The following SNX12 variants were observed in gnomAD, a reference collection of about 807,000 sequenced individuals.
SNX12 encodes the protein sorting nexin-12.
For synonymous variants in SNX12, 47 were observed against 56.0 expected, an observed-to-expected ratio of 0.84 and a Z score of 0.71; for missense variants, 62 against 141.3, an observed-to-expected ratio of 0.44 and a Z score of 2.84.
upstream of SNX12, among the ~76,000 whole-genome samples, chrX:71,068,991 C>T (rs189257229): frequency 2.3e-3 from 260 of 111,745 alleles, 3 homozygotes; most frequent in African/African-American, 8.1e-3. Flanking sequence ...TTGCCACACT[C>T]CAGGTGTACT....
upstream of SNX12, chrX:71,068,335 A>G (rs1224945870): frequency 8.6e-7 from 1 of 1,160,543 alleles, no homozygotes; most frequent in Non-Finnish European, 1.2e-6. Context: ...GGGACCGGGG[A>G]AAGGGGGTGG....
At chrX:71,072,057 C>T (rs2092175570), upstream of SNX12, among the ~76,000 whole-genome samples, 1 of 110,362 alleles carries the variant, frequency 9.1e-6, no homozygotes, top group African/African-American at 3.3e-5. Context: ...CAGGAGTTTG[C>T]GACCAGCCTG....
chrX:71,070,502 A>G (rs1244940918), upstream of SNX12, among the ~76,000 whole-genome samples: 1 of 111,980 alleles, frequency 8.9e-6, no homozygotes, highest in Non-Finnish European at 1.9e-5. Context: ...TATAACCATG[A>G]GCAAATTATA....
chrX:71,061,819 G>A (rs377374802), intron 3 of SNX12, 24 bp downstream of exon 3: 386 of 1,195,235 alleles, frequency 3.2e-4, no homozygotes, highest in Non-Finnish European at 4.1e-4. Flanking sequence ...AGTAGCAAGT[G>A]GAGCCCCCAG....
chrX:71,063,769 G>T (rs2092141271), intron 1 of SNX12, among the ~76,000 whole-genome samples: 1 of 109,786 alleles, frequency 9.1e-6, no homozygotes, highest in Non-Finnish European at 1.9e-5. Flanking sequence ...AAAAAGCCAG[G>T]TGTAGTGGCA....
chrX:71,071,544 T>TTATATATAAATATAAATATTTATATATTA (rs2092171990), upstream of SNX12, among the ~76,000 whole-genome samples: 1 of 36,721 alleles, frequency 2.7e-5, no homozygotes, highest in African/African-American at 2.1e-4. Context: ...TTTATATATA[T>TTATATATAAATATAAATATTTATATATTA]TATATATAAA....
At chrX:71,068,464 G>A (rs2092163622), upstream of SNX12, 1 of 363,599 alleles carries the variant, frequency 2.8e-6, no homozygotes, top group Non-Finnish European at 4.5e-6. Flanking sequence ...CGCCGCACGG[G>A]CCTGGGCCCC....
chrX:71,063,936 AAGTAGTAAAATCAAGGTATAG>A (rs1295465086), intron 1 of SNX12, among the ~76,000 whole-genome samples: 1 of 111,382 alleles, frequency 9.0e-6, no homozygotes, highest in Non-Finnish European at 1.9e-5. Context: ...GAAAGATATT[AAGTAGTAAAATCAAGGTATAG>A]AACAGTATAT....
chrX:71,069,944 A>G (rs75187518), upstream of SNX12, among the ~76,000 whole-genome samples: 22,702 of 87,810 alleles, frequency 0.26, 1,815 homozygotes, highest in African/African-American at 0.31. Flanking sequence ...CCATCAAAAA[A>G]AGAAAGAAAG....
At chrX:71,072,906 TACACACACAC>T (rs59544159), upstream of SNX12, among the ~76,000 whole-genome samples, 2 of 101,439 alleles carry the variant, frequency 2.0e-5, no homozygotes, top group African/African-American at 3.6e-5. Flanking sequence ...CTGGCTTCCA[TACACACACAC>T]ACACACACAC....
upstream of SNX12, among the ~76,000 whole-genome samples, chrX:71,072,904 C>CAT (rs1454705123): frequency 1.2e-5 from 1 of 86,479 alleles, no homozygotes; most frequent in African/African-American, 4.3e-5. Flanking sequence ...AGCTGGCTTC[C>CAT]ATACACACAC....
At chrX:71,064,076 G>A (rs1288509056) in intron 1 of SNX12, among the ~76,000 whole-genome samples, 4 of 111,508 alleles carry the variant, frequency 3.6e-5, no homozygotes, top group African/African-American at 3.3e-5. Flanking sequence ...ATTGACTTTC[G>A]AGAGTAAGAG....
At chrX:71,068,470 G>A (rs1334129598), upstream of SNX12, 5 of 349,820 alleles carry the variant, frequency 1.4e-5, no homozygotes, top group Non-Finnish European at 2.4e-5. Flanking sequence ...ACGGGCCTGG[G>A]CCCCGGGCTC....
intron 3 of SNX12, among the ~76,000 whole-genome samples, chrX:71,061,431 G>C (rs1359492957): frequency 8.9e-6 from 1 of 112,295 alleles, no homozygotes; most frequent in African/African-American, 3.2e-5. Context: ...ACCACATCAT[G>C]GTACCCATTA....
upstream of SNX12, among the ~76,000 whole-genome samples, chrX:71,071,749 A>T (rs1332909216): frequency 2.4e-5 from 2 of 81,792 alleles, no homozygotes; most frequent in South Asian, 4.6e-4. Flanking sequence ...TATATATATA[A>T]ATAATTATTT....
intron 3 of SNX12, 111 bp from the exon 4 acceptor site, chrX:71,061,229 C>G (rs2092130047): frequency 1.7e-6 from 1 of 579,545 alleles, no homozygotes; most frequent in African/African-American, 2.3e-5. Context: ...GAGGTTCAAG[C>G]CAGTAGAGGA....
rs1260970089 is a variant in SNX12 at position 71,068,084 on chromosome X, C to T, written c.165+58G>A. 6.5e-6 allele frequency: 7 copies of T among 1,076,433 alleles called. No homozygotes were observed. The Admixed American group carries it at 1.8e-4, about 28-fold the overall frequency. The allele number at this position is 1,076,433 out of a possible 1,213,427, so 88.7% of individuals were successfully genotyped here. On this transcript the variant is annotated intron_variant, in intron 1 of 3. Coordinates refer to ENST00000374274, the MANE Select transcript of SNX12 (RefSeq NM_013346.4). ...TTGCCCCCGCGGTAGCCTCCCTCCC[C>T]CCTCCCGCTCGCGCCGCCCGGTCCT... is the stretch of plus-strand genomic sequence containing the variant.
intron 1 of SNX12, among the ~76,000 whole-genome samples, chrX:71,065,804 C>CA (rs36018264): frequency 0.14 from 11,866 of 81,851 alleles, 838 homozygotes; most frequent in Middle Eastern, 0.32. Flanking sequence ...AACTCTATCT[C>CA]AAAAAAAAAA....
At chrX:71,073,035 TACACACACACAC>T (rs56242437), upstream of SNX12, among the ~76,000 whole-genome samples, 18 of 90,028 alleles carry the variant, frequency 2.0e-4, no homozygotes, top group African/African-American at 3.8e-4. Flanking sequence ...TTATCACACA[TACACACACACAC>T]ACACACACAC....
Sources: allele counts gnomAD v4.1 joint callset (sites outside exome capture counted in the v4.1 genomes callset), GRCh38; gene constraint gnomAD v4.1.1; transcripts MANE v1.5; gene names NCBI Gene and HGNC (gene_info 2026-07-23, HGNC 2026-07-21).